NT5DC3: variants seen among roughly 807,000 people sequenced by gnomAD.
NT5DC3 encodes the protein 5'-nucleotidase domain-containing protein 3.
Under a neutral mutation model 67.8 loss-of-function variants are expected in NT5DC3, and 42 were observed. The ratio of observed to expected loss-of-function variants is 0.62; its 90% CI spans 0.48 to 0.80. The LOEUF is 0.80. NT5DC3 is among the 30% of genes least tolerant of loss of function. The pLI is 0.00. For missense variants in NT5DC3, 570 were observed against 696.4 expected (o/e 0.82, Z 2.04); for synonymous variants, 237 against 255.6 (o/e 0.93, Z 0.69).
chr12:103,794,949 C>T (rs1193082489), intron 6 of NT5DC3, among the ~76,000 whole-genome samples: 1 of 152,212 alleles, frequency 6.6e-6, no homozygotes, highest in Non-Finnish European at 1.5e-5. Flanking sequence ...TACGTGGTGA[C>T]ATTCCTAGAG....
Position 103,778,000 on chromosome 12 carries a change from G to A in NT5DC3, c.1476C>T (p.Arg492=). The change falls in exon 14 of 14, where the codon CGC becomes CGT. Residue 492 remains arginine, a synonymous_variant. Transcript: ENST00000392876. ...TDQNPTYFLR[R]LSRFADIYMA... ...TGTAGATGTCAGCGAAGCGCGACAG[G>A]CGCCTTAGGAAGTAGGTTGGGTTCT... 3 of 1,614,238 alleles carry A rather than the reference G, an allele frequency of 1.9e-6. No homozygotes were observed. Among genetic ancestry groups the A allele is most frequent in the Non-Finnish European group, 2.5e-6 (3 of 1,180,042 alleles).
chr12:103,826,412 T>C (rs1887697210), intron 1 of NT5DC3, among the ~76,000 whole-genome samples: 1 of 152,226 alleles, frequency 6.6e-6, no homozygotes, highest in East Asian at 1.9e-4. Flanking sequence ...CAAGGGTCCT[T>C]AAGTGTGGAA....
intron 11 of NT5DC3, among the ~76,000 whole-genome samples, chr12:103,786,386 A>G (rs1885774723): frequency 6.6e-6 from 1 of 152,250 alleles, no homozygotes; most frequent in East Asian, 1.9e-4. Flanking sequence ...GGGCAGGAAC[A>G]TGCTGGAGGG....
At chr12:103,762,491 A>G in the NT5DC3 span, 5 of 1,591,866 alleles carry the variant, frequency 3.1e-6, no homozygotes, top group African/African-American at 5.4e-5. Flanking sequence ...TGGCTGCGCC[A>G]GAGTCCTCAC....
At chr12:103,778,159 ACTT>A (rs1481647860) in intron 13 of NT5DC3, 78 bp from the exon 14 acceptor site, 6 of 1,348,464 alleles carry the variant, frequency 4.4e-6, no homozygotes, top group African/African-American at 1.5e-5. Flanking sequence ...AATCAAAATC[ACTT>A]CTTTTTTTAA....
chr12:103,840,881 C>G (rs1221499948), intron 1 of NT5DC3, 68 bp downstream of exon 1: 15 of 957,688 alleles, frequency 1.6e-5, no homozygotes, highest in Non-Finnish European at 2.1e-5. Flanking sequence ...GGTCCTAGGG[C>G]GCCCGCTTCC....
At chr12:103,786,024 T>C (rs1486387538) in intron 11 of NT5DC3, among the ~76,000 whole-genome samples, 2 of 152,094 alleles carry the variant, frequency 1.3e-5, no homozygotes, top group African/African-American at 4.8e-5. Flanking sequence ...CTAAGACATA[T>C]AGTCATCATA....
chr12:103,756,429 A>G, the NT5DC3 span, among the ~76,000 whole-genome samples: 1 of 152,124 alleles, frequency 6.6e-6, no homozygotes, highest in Non-Finnish European at 1.5e-5. Flanking sequence ...CTTGACCACC[A>G]TTGTCTCCCC....
chr12:103,759,266 TCCAAC>T, the NT5DC3 span: 1 of 1,613,842 alleles, frequency 6.2e-7, no homozygotes, highest in Non-Finnish European at 8.5e-7. Flanking sequence ...CAGGACCCAC[TCCAAC>T]CGGTACAAAG....
downstream of NT5DC3, chr12:103,765,898 T>C: frequency 5.6e-6 from 2 of 356,234 alleles, no homozygotes; most frequent in South Asian, 2.2e-5. Context: ...TGGTTCAAGA[T>C]GAATTTTCAA....
chr12:103,787,889 AC>A (rs35677122), intron 10 of NT5DC3, among the ~76,000 whole-genome samples: 58,030 of 151,928 alleles, frequency 0.38, 12,139 homozygotes, highest in East Asian at 0.88. Flanking sequence ...TTCATGATAA[AC>A]ATTCTCATAG....
intron 4 of NT5DC3, among the ~76,000 whole-genome samples, chr12:103,804,098 A>G (rs2139382058): frequency 6.6e-6 from 1 of 152,266 alleles, no homozygotes; most frequent in South Asian, 2.1e-4. Context: ...CAAAACCCTT[A>G]TAACAGTGCC....
At chr12:103,768,622 A>G (rs1885112163), downstream of NT5DC3, among the ~76,000 whole-genome samples, 1 of 73,770 alleles carries the variant, frequency 1.4e-5, no homozygotes, top group Non-Finnish European at 2.7e-5. Context: ...AGGGAGAGAG[A>G]GGGAGAGGGA....
intron 13 of NT5DC3, among the ~76,000 whole-genome samples, chr12:103,779,233 C>A (rs938963434): frequency 2.6e-5 from 4 of 152,192 alleles, no homozygotes; most frequent in African/African-American, 9.7e-5. Context: ...AGCCCCATAA[C>A]CCCCTGCAGT....
chr12:103,762,865 T>G, the NT5DC3 span, among the ~76,000 whole-genome samples: 315 of 152,302 alleles, frequency 2.1e-3, 3 homozygotes, highest in South Asian at 3.1e-3. Flanking sequence ...TTTGAACAGT[T>G]GAGTCCACAT....
chr12:103,823,461 T>C (rs1468072757), intron 1 of NT5DC3, among the ~76,000 whole-genome samples: 1 of 152,228 alleles, frequency 6.6e-6, no homozygotes, highest in Non-Finnish European at 1.5e-5. Context: ...GGTCACATTT[T>C]AAATATCTAT....
intron 12 of NT5DC3, among the ~76,000 whole-genome samples, chr12:103,783,924 C>T (rs763395471): frequency 2.0e-5 from 3 of 152,186 alleles, no homozygotes; most frequent in Non-Finnish European, 4.4e-5. Flanking sequence ...TGCCTATACC[C>T]GAATCCTCTA....
chr12:103,785,692 T>C (rs1171749712), intron 11 of NT5DC3: 2 of 655,382 alleles, frequency 3.1e-6, no homozygotes, highest in East Asian at 3.0e-5. Flanking sequence ...CTGGAAATAA[T>C]TGCCGTGAGT....
chr12:103,839,887 T>C (rs551830461), intron 1 of NT5DC3, among the ~76,000 whole-genome samples: 34 of 152,310 alleles, frequency 2.2e-4, no homozygotes, highest in South Asian at 8.3e-4. Context: ...AAATGGAAAA[T>C]GTGATCCTAT....
Sources: allele counts gnomAD v4.1 joint callset (sites outside exome capture counted in the v4.1 genomes callset), GRCh38; gene constraint gnomAD v4.1.1; transcripts MANE v1.5; gene names NCBI Gene and HGNC (gene_info 2026-07-23, HGNC 2026-07-21).